The following RGS6 variants were observed in gnomAD, a reference collection of about 807,000 sequenced individuals.
RGS6 encodes the protein regulator of G-protein signaling 6.
In RGS6, 30 loss-of-function variants were observed where a neutral mutation model predicts 78.5. That is an observed-to-expected ratio of 0.38 (90% CI 0.29 to 0.52). RGS6 has a LOEUF of 0.52. Among genes scored for constraint, RGS6 ranks in the 20% least tolerant of loss-of-function variants. The pLI is 0.85. For synonymous variants in RGS6, 206 were observed against 206.0 expected (o/e 1.00, Z 0.00); for missense variants, 495 against 609.7 (o/e 0.81, Z 1.98).
chr14:72,468,082 T>C (rs895215194), intron 7 of RGS6, among the ~76,000 whole-genome samples: 3 of 152,250 alleles, frequency 2.0e-5, no homozygotes, highest in African/African-American at 7.2e-5. Context: ...CTTAATGTTC[T>C]GCTCTGGTAT....
chr14:72,053,120 CCTTCCTTCCTTT>C (rs1423976796), intron 2 of RGS6, among the ~76,000 whole-genome samples: 9 of 91,886 alleles, frequency 9.8e-5, no homozygotes, highest in African/African-American at 3.7e-4. Flanking sequence ...TTCCTTCCTT[CCTTCCTTCCTTT>C]CTTTTTTTGA....
At chr14:71,940,189 A>T (rs941371305) in intron 1 of RGS6, among the ~76,000 whole-genome samples, 1 of 152,222 alleles carries the variant, frequency 6.6e-6, no homozygotes, top group Non-Finnish European at 1.5e-5. Flanking sequence ...GCCAGTGTCC[A>T]GTAGTCCCCG....
intron 2 of RGS6, among the ~76,000 whole-genome samples, chr14:72,303,625 G>A (rs1046682259): frequency 6.6e-6 from 1 of 152,038 alleles, no homozygotes; most frequent in Non-Finnish European, 1.5e-5. Context: ...TTTATTCATG[G>A]TTATATGTAC....
At chr14:72,247,817 T>C (rs2054607974) in intron 2 of RGS6, among the ~76,000 whole-genome samples, 1 of 152,216 alleles carries the variant, frequency 6.6e-6, no homozygotes, top group African/African-American at 2.4e-5. Flanking sequence ...ACTGTCTTAT[T>C]CTTCTGCCTT....
At chr14:71,880,492 C>T in the RGS6 span, among the ~76,000 whole-genome samples, 1 of 152,214 alleles carries the variant, frequency 6.6e-6, no homozygotes, top group Non-Finnish European at 1.5e-5. Flanking sequence ...TAGGATCCCT[C>T]TGCTGTTGTG....
At chr14:72,368,246 G>C (rs897422650) in intron 3 of RGS6, among the ~76,000 whole-genome samples, 1 of 152,038 alleles carries the variant, frequency 6.6e-6, no homozygotes, top group East Asian at 1.9e-4. Flanking sequence ...CCTTTTTATT[G>C]GGAACCCACT....
At chr14:72,245,531 G>T (rs887890668) in intron 2 of RGS6, among the ~76,000 whole-genome samples, 4 of 152,348 alleles carry the variant, frequency 2.6e-5, no homozygotes, top group African/African-American at 9.6e-5. Flanking sequence ...TCATGCTTTT[G>T]TTTGTGGCTT....
chr14:72,372,632 A>T (rs1566654974), intron 3 of RGS6, among the ~76,000 whole-genome samples: 1 of 152,310 alleles, frequency 6.6e-6, no homozygotes, highest in South Asian at 2.1e-4. Flanking sequence ...TCAAAAGAGG[A>T]CACTCTATAG....
At chr14:72,256,697 A>T (rs972422127) in intron 2 of RGS6, among the ~76,000 whole-genome samples, 1 of 152,182 alleles carries the variant, frequency 6.6e-6, no homozygotes, top group African/African-American at 2.4e-5. Context: ...AATTCCTCCC[A>T]TAGTTAGGTT....
intron 13 of RGS6, among the ~76,000 whole-genome samples, chr14:72,496,721 C>T (rs1025194885): frequency 3.3e-5 from 5 of 152,156 alleles, no homozygotes; most frequent in East Asian, 3.8e-4. Context: ...CTTACTGAGA[C>T]GCTAAGGGTA....
At chr14:72,627,004 A>G in the RGS6 span, among the ~76,000 whole-genome samples, 2 of 147,068 alleles carry the variant, frequency 1.4e-5, no homozygotes, top group Non-Finnish European at 3.0e-5. Context: ...CTCATTTCCT[A>G]TCAGGTTTCT....
In RGS6 at chr14:72,562,857, T is replaced by C; in HGVS notation, c.*390T>C. On this transcript the variant is annotated 3_prime_UTR_variant, in exon 18 of 18. Coordinates refer to ENST00000553525, the MANE Select transcript of RGS6 (RefSeq NM_001204424.2). ...TCGCTGTCTGGAGACGGTCACACCT[T>C]CTGGCAAATTCAAGAGGCATGAGTG... 1.8e-6 allele frequency: 2 copies of C among 1,097,600 alleles called. No individual in the cohort carries two copies. Among genetic ancestry groups the C allele is most frequent in the Non-Finnish European group, 2.7e-6 (2 of 747,534 alleles). 68.0% of individuals were successfully genotyped at this position (1,097,600 alleles called of 1,614,324 possible).
chr14:72,145,684 T>A (rs1271530339), intron 2 of RGS6, among the ~76,000 whole-genome samples: 2 of 152,204 alleles, frequency 1.3e-5, no homozygotes, highest in Non-Finnish European at 2.9e-5. Context: ...GGTTTCACCA[T>A]GTTGGCCAGG....
chr14:72,469,487 G>A (rs2096016739), intron 7 of RGS6: 1 of 152,768 alleles, frequency 6.5e-6, no homozygotes, highest in Non-Finnish European at 1.5e-5. Context: ...GATTACAGGT[G>A]TGAGTCACCA....
chr14:71,961,060 T>A lies in RGS6; in HGVS notation c.-20-3712T>A, dbSNP rs375501609. Among the ~76,000 whole-genome samples the A allele has an allele frequency of 3.5e-4, 53 of 152,318 alleles. No homozygotes were observed. In the East Asian group the frequency reaches 7.9e-3, roughly 23 times the overall value. On this transcript the variant is annotated intron_variant, in intron 1 of 17. Transcript: ENST00000553525. The stretch of plus-strand genomic sequence containing the variant: ...GTATATTTGCTCAAAGAATAAATGA[T>A]GAGTTCCAAAGAACCTGAGGGTGGG...
rs113197193 is a variant in RGS6, at chr14:72,409,482, C to T, written c.185-45046C>T. On this transcript the variant is annotated intron_variant, in intron 3 of 17. Transcript: ENST00000553525. ...GGAACTTAAAGTGCTGGGAATGCTT[C>T]GGCTTAATGACCTCCCAATTAAAAT... Among the ~76,000 whole-genome samples the T allele has an allele frequency of 6.9e-3, 1,050 of 152,160 alleles. 9 individuals are homozygous for T. The highest frequency in any genetic ancestry group is 0.024 in the African/African-American group (980 of 41,494).
intron 2 of RGS6, among the ~76,000 whole-genome samples, chr14:72,285,810 A>AT (rs1352702245): frequency 6.6e-6 from 1 of 152,112 alleles, no homozygotes; most frequent in African/African-American, 2.4e-5. Flanking sequence ...TTTTTATGTC[A>AT]TTTTTTGAGA....
chr14:71,984,115 T>C (rs568188730), intron 2 of RGS6, among the ~76,000 whole-genome samples: 2 of 152,204 alleles, frequency 1.3e-5, no homozygotes, highest in Admixed American at 6.5e-5. Flanking sequence ...GGGCTATACA[T>C]ATATTGAGCC....
chr14:72,279,173 A>G (rs78102964), intron 2 of RGS6, among the ~76,000 whole-genome samples: 7,627 of 152,026 alleles, frequency 0.05, 570 homozygotes, highest in African/African-American at 0.17. Flanking sequence ...GAAACAGGAA[A>G]AAGCTGGAAC....
Sources: gnomAD v4.1 joint callset for allele counts (sites outside exome capture counted in the v4.1 genomes callset) on GRCh38, gnomAD v4.1.1 for gene constraint, MANE v1.5 for transcripts, NCBI Gene and HGNC (gene_info 2026-07-23, HGNC 2026-07-21) for gene names.